Variants in SOS1 observed in about 807,000 individuals in gnomAD.
SOS1 encodes the protein SOS Ras/Rac guanine nucleotide exchange factor 1.
In SOS1, 25 loss-of-function variants were observed where a neutral mutation model predicts 157.6. The observed-to-expected ratio is 0.16, with a 90% CI of 0.12 to 0.22. SOS1 has a LOEUF of 0.22. Ranked by LOEUF, SOS1 falls within the 10% of genes least tolerant of loss-of-function variation. SOS1 has a pLI of 1.00. For missense variants in SOS1, 1,237 were observed against 1,599.1 expected (o/e 0.77, Z 3.86); for synonymous variants, 528 against 534.0 (o/e 0.99, Z 0.16).
At chr2:39,011,910 A>G (rs941005973) in intron 14 of SOS1, among the ~76,000 whole-genome samples, 2 of 152,180 alleles carry the variant, frequency 1.3e-5, no homozygotes, top group African/African-American at 4.8e-5. Context: ...AGCCTTACCA[A>G]CTAGGGGTGA....
chr2:38,992,614 G>GT (rs1668767670), intron 20 of SOS1: 1 of 152,162 alleles, frequency 6.6e-6, no homozygotes, highest in Admixed American at 6.5e-5. Context: ...CTTATCTCCT[G>GT]TTTTTTCCAC....
intron 1 of SOS1, among the ~76,000 whole-genome samples, chr2:39,116,129 T>C (rs1185199309): frequency 6.6e-6 from 1 of 152,172 alleles, no homozygotes; most frequent in Non-Finnish European, 1.5e-5. Context: ...GTTCCAAATC[T>C]GCTTAATCAG....
chr2:39,099,595 T>C (rs1250572519), intron 1 of SOS1, among the ~76,000 whole-genome samples: 3 of 152,190 alleles, frequency 2.0e-5, no homozygotes, highest in Non-Finnish European at 4.4e-5. Context: ...TTTTTTTGGA[T>C]GGCATACCAA....
intron 8 of SOS1, among the ~76,000 whole-genome samples, chr2:39,027,945 C>T (rs1670023700): frequency 6.6e-6 from 1 of 151,986 alleles, no homozygotes; most frequent in Non-Finnish European, 1.5e-5. Flanking sequence ...ATTCTCCTAC[C>T]TCAGCCTCCA....
At chr2:39,103,378 C>G (rs555863239) in intron 1 of SOS1, among the ~76,000 whole-genome samples, 2 of 152,158 alleles carry the variant, frequency 1.3e-5, no homozygotes, top group African/African-American at 4.8e-5. Context: ...AGTTGGAACA[C>G]TCACACTTTC....
At chr2:39,067,536 T>C (rs899759112) in intron 2 of SOS1, 92 bp downstream of exon 2, 2 of 1,130,180 alleles carry the variant, frequency 1.8e-6, no homozygotes, top group African/African-American at 1.5e-5. Context: ...ATACCATATA[T>C]ATAGAGAGAG....
chr2:39,005,600 A>G (rs1558465326), intron 17 of SOS1, among the ~76,000 whole-genome samples: 17 of 152,140 alleles, frequency 1.1e-4, no homozygotes. Context: ...AGAAGTAAAT[A>G]CAAAAATGGT....
chr2:39,117,256 C>T (rs1007611965), intron 1 of SOS1, among the ~76,000 whole-genome samples: 2 of 152,158 alleles, frequency 1.3e-5, no homozygotes, highest in African/African-American at 2.4e-5. Flanking sequence ...TCTTGAATTC[C>T]TGACCTCGTG....
chr2:39,080,938 C>T (rs1435666607), intron 1 of SOS1, among the ~76,000 whole-genome samples: 1 of 152,072 alleles, frequency 6.6e-6, no homozygotes, highest in African/African-American at 2.4e-5. Flanking sequence ...ATAATACCAG[C>T]ACTTTGGAAG....
intron 17 of SOS1, among the ~76,000 whole-genome samples, chr2:39,005,482 ATTAAGATTAT>A (rs1669254424): frequency 6.6e-6 from 1 of 152,130 alleles, no homozygotes; most frequent in Admixed American, 6.5e-5. Flanking sequence ...ATTATAAATA[ATTAAGATTAT>A]TTAATAAAAT....
At chr2:39,059,947 T>C (rs1671343066) in intron 2 of SOS1, among the ~76,000 whole-genome samples, 1 of 151,926 alleles carries the variant, frequency 6.6e-6, no homozygotes, top group Non-Finnish European at 1.5e-5. Context: ...TTTTCAACTG[T>C]CTAGTTGAAA....
At chr2:38,999,976 T>C (rs902925522) in intron 17 of SOS1, among the ~76,000 whole-genome samples, 6 of 152,172 alleles carry the variant, frequency 3.9e-5, no homozygotes, top group African/African-American at 1.2e-4. Context: ...GAGCAGTTAG[T>C]AGGCTAACAA....
In SOS1 at chr2:39,064,082, C is replaced by T. The variant is rs535218973; in HGVS notation, c.213+3546G>A. Among the ~76,000 whole-genome samples the T allele has an allele frequency of 6.6e-5, 10 of 152,252 alleles. 1 individual carries two copies. In the South Asian group the frequency reaches 1.0e-3, roughly 16 times the overall value. ...CTCTTGGGCTCAGGCAATCTGCCCACGTTGCCCTCCCAAAGTGCTGAGATT... is the reference window on the plus strand; with the variant it reads ...CTCTTGGGCTCAGGCAATCTGCCCATGTTGCCCTCCCAAAGTGCTGAGATT... On this transcript the variant is annotated intron_variant, in intron 2 of 22. Transcript: ENST00000402219.
Position 39,058,814 on chromosome 2 carries a change from T to C in SOS1, c.214-10A>G, listed in dbSNP as rs371447614. Reference sequence around the variant, plus strand: ...TTTTTTGAACACGTTCCTTGGAAAATAGGAAAATAACAACTAAGCAAAAAA... The same window carrying C: ...TTTTTTGAACACGTTCCTTGGAAAACAGGAAAATAACAACTAAGCAAAAAA... On this transcript the variant is annotated splice_polypyrimidine_tract_variant and intron_variant, in intron 2 of 22. Transcript: ENST00000402219. 61 of 1,609,518 alleles carry C rather than the reference T, an allele frequency of 3.8e-5. No homozygotes were observed. In the African/African-American group the frequency reaches 4.4e-4, roughly 12 times the overall value.
intron 1 of SOS1, among the ~76,000 whole-genome samples, chr2:39,104,189 G>T (rs1362447340): frequency 6.6e-6 from 1 of 152,150 alleles, no homozygotes; most frequent in Non-Finnish European, 1.5e-5. Flanking sequence ...GGCCGAGGCA[G>T]GAGAATTGCT....
At chr2:39,013,648 C>T in intron 12 of SOS1, 85 bp from the exon 13 acceptor site, 1 of 1,015,534 alleles carries the variant, frequency 9.8e-7, no homozygotes, top group Admixed American at 1.7e-5. Flanking sequence ...AATGAAAATG[C>T]AGTAACTCTT....
intron 13 of SOS1, among the ~76,000 whole-genome samples, chr2:39,013,230 A>C (rs1040210578): frequency 5.3e-5 from 8 of 152,150 alleles, no homozygotes; most frequent in African/African-American, 1.7e-4. Context: ...TCAACTCTAA[A>C]ATAATCAGTA....
At position 39,094,142 on chromosome 2, in the gene SOS1, T is replaced by G. The variant is rs139036874; in HGVS notation, c.87+26194A>C. 1.4e-3 allele frequency among the ~76,000 whole-genome samples: 210 copies of G among 152,278 alleles called. 1 individual carries two copies. Among genetic ancestry groups the G allele is most frequent in the East Asian group, 3.9e-3 (20 of 5,192 alleles). ...CAATGCCACTCTCTGCTAATTTTTT[T>G]TTTGTTTGTTTTGGAAAACAGTTTT... On this transcript the variant is annotated intron_variant, in intron 1 of 22. Transcript: ENST00000402219.
At chr2:39,029,006 C>T (rs1572835857) in intron 8 of SOS1, among the ~76,000 whole-genome samples, 2 of 151,772 alleles carry the variant, frequency 1.3e-5, no homozygotes, top group South Asian at 4.2e-4. Context: ...AACTAATTAA[C>T]TAACTGCTGT....
Sources: allele counts gnomAD v4.1 joint callset (sites outside exome capture counted in the v4.1 genomes callset), GRCh38; gene constraint gnomAD v4.1.1; transcripts MANE v1.5; gene names NCBI Gene and HGNC (gene_info 2026-07-23, HGNC 2026-07-21).